Variants in GPHN observed in about 807,000 individuals in gnomAD.
GPHN encodes the protein gephyrin.
GPHN carries 17 observed loss-of-function variants against 95.5 expected under a neutral mutation model. That is an observed-to-expected ratio of 0.18 (90% confidence interval 0.12 to 0.27). GPHN has a LOEUF of 0.27. Ranked by LOEUF, GPHN falls within the 10% of genes least tolerant of loss-of-function variation. GPHN has a pLI of 1.00. For missense variants in GPHN, 660 were observed against 978.1 expected, an observed-to-expected ratio of 0.67 and a Z score of 4.34; for synonymous variants, 320 against 322.5, an observed-to-expected ratio of 0.99 and a Z score of 0.08.
the GPHN span, among the ~76,000 whole-genome samples, chr14:67,407,063 T>C: frequency 6.6e-6 from 1 of 152,148 alleles, no homozygotes; most frequent in African/African-American, 2.4e-5. Flanking sequence ...GATGGGCTTA[T>C]GAGACACAGA....
chr14:67,220,407 A>G, the GPHN span, among the ~76,000 whole-genome samples: 1 of 151,886 alleles, frequency 6.6e-6, no homozygotes, highest in African/African-American at 2.4e-5. Context: ...GAGCCACTGC[A>G]CTCTAGCCTG....
At chr14:67,672,034 T>G in the GPHN span, among the ~76,000 whole-genome samples, 1 of 152,224 alleles carries the variant, frequency 6.6e-6, no homozygotes, top group Non-Finnish European at 1.5e-5. Context: ...TTTTCTATTT[T>G]TCAAAGCAAT....
the GPHN span, among the ~76,000 whole-genome samples, chr14:67,351,018 T>G: frequency 6.6e-6 from 1 of 152,226 alleles, no homozygotes; most frequent in African/African-American, 2.4e-5. Context: ...GCAGTTGCAG[T>G]CAAAACCCTA....
chr14:66,781,909 T>A (rs72728643), intron 3 of GPHN, among the ~76,000 whole-genome samples: 3,666 of 152,280 alleles, frequency 0.024, 67 homozygotes, highest in Non-Finnish European at 0.035. Flanking sequence ...TCCTGGGTAT[T>A]AAGAAACATG....
the GPHN span, chr14:67,619,979 T>A: frequency 2.5e-6 from 4 of 1,592,042 alleles, no homozygotes; most frequent in Non-Finnish European, 3.4e-6. Context: ...CTGCGGATCA[T>A]GTCCCTAAGG....
At chr14:66,603,084 T>A (rs1264135273) in intron 1 of GPHN, among the ~76,000 whole-genome samples, 3 of 151,822 alleles carry the variant, frequency 2.0e-5, no homozygotes, top group Non-Finnish European at 3.0e-5. Context: ...ATTGAAAAAA[T>A]TGTATTCTTA....
At chr14:67,333,142 TTATTCTC>T in the GPHN span, 2 of 515,946 alleles carry the variant, frequency 3.9e-6, no homozygotes, top group South Asian at 6.1e-5. Flanking sequence ...ATGGCATCCT[TTATTCTC>T]TATACATGGC....
chr14:67,475,777 A>G, the GPHN span, among the ~76,000 whole-genome samples: 13 of 152,052 alleles, frequency 8.5e-5, no homozygotes, highest in Admixed American at 3.3e-4. Context: ...CCCGGCTCCC[A>G]TGCTGCTTCT....
chr14:67,646,097 A>G, the GPHN span, among the ~76,000 whole-genome samples: 1 of 152,352 alleles, frequency 6.6e-6, no homozygotes. Context: ...AGACACACTG[A>G]TCTAGAAGAC....
At chr14:67,317,492 C>G in the GPHN span, 10 of 1,569,196 alleles carry the variant, frequency 6.4e-6, no homozygotes, top group Non-Finnish European at 8.7e-6. Flanking sequence ...AAGTTCTACT[C>G]TCAGGGATAG....
At chr14:67,199,230 G>C in the GPHN span, 1 of 1,605,478 alleles carries the variant, frequency 6.2e-7, no homozygotes, top group Non-Finnish European at 8.5e-7. Flanking sequence ...CCAAGGCTAT[G>C]ACTTTGTGAA....
chr14:66,915,884 C>T, intron 5 of GPHN, 119 bp from the exon 6 acceptor site: 1 of 733,292 alleles, frequency 1.4e-6, no homozygotes, highest in Non-Finnish European at 2.5e-6. Context: ...TAAGATAACA[C>T]TTTTATTCCT....
intron 3 of GPHN, among the ~76,000 whole-genome samples, chr14:66,798,079 G>A (rs560292746): frequency 1.2e-3 from 184 of 151,990 alleles, no homozygotes; most frequent in South Asian, 2.1e-3. Flanking sequence ...CAATTGAAAT[G>A]ATCATATGGT....
chr14:66,922,773 C>A lies in GPHN; in HGVS notation c.564C>A (p.Ser188=). The A allele has an allele frequency of 1.2e-6, 2 of 1,613,570 alleles. No homozygotes were observed. Among genetic ancestry groups the A allele is most frequent in the Non-Finnish European group, 8.5e-7 (1 of 1,179,606 alleles). The change falls in exon 7 of 23, where the codon TCC becomes TCA. Residue 188 remains serine (S), a synonymous_variant. Coordinates refer to ENST00000478722, the MANE Select transcript of GPHN (RefSeq NM_020806.5). ...ATGATGAACTTGAAGATTTGCCTTCCCCACCTCCCCCTCTTTCCCCTCCTC... is the reference window on the plus strand; with the variant it reads ...ATGATGAACTTGAAGATTTGCCTTCACCACCTCCCCCTCTTTCCCCTCCTC... ...EVHDELEDLP[S]PPPPLSPPPT...
intron 9 of GPHN, among the ~76,000 whole-genome samples, chr14:67,019,789 G>T (rs2073506440): frequency 6.6e-6 from 1 of 152,152 alleles, no homozygotes; most frequent in Non-Finnish European, 1.5e-5. Flanking sequence ...CTAGCTTCAA[G>T]CTGGGGGCTC....
At chr14:66,619,788 C>T (rs1209870919) in intron 1 of GPHN, among the ~76,000 whole-genome samples, 3 of 151,934 alleles carry the variant, frequency 2.0e-5, no homozygotes, top group South Asian at 4.2e-4. Context: ...TCCATTTGTT[C>T]ATTGGTAGTA....
At chr14:67,292,483 T>A in the GPHN span, 1 of 1,470,796 alleles carries the variant, frequency 6.8e-7, no homozygotes, top group South Asian at 1.2e-5. Context: ...AACAGTTAAT[T>A]TTTGGATACC....
At chr14:66,535,512 T>C (rs2059112404) in intron 1 of GPHN, among the ~76,000 whole-genome samples, 1 of 152,152 alleles carries the variant, frequency 6.6e-6, no homozygotes, top group Non-Finnish European at 1.5e-5. Context: ...ACTGTTAATA[T>C]TATGATTGGG....
chr14:67,552,136 A>G, the GPHN span, among the ~76,000 whole-genome samples: 3 of 152,164 alleles, frequency 2.0e-5, no homozygotes, highest in Non-Finnish European at 4.4e-5. Flanking sequence ...AGGGCAGCTT[A>G]TGTGTCTTAT....
Sources: gnomAD v4.1 joint callset for allele counts (sites outside exome capture counted in the v4.1 genomes callset) on GRCh38, gnomAD v4.1.1 for gene constraint, MANE v1.5 for transcripts, NCBI Gene and HGNC (gene_info 2026-07-23, HGNC 2026-07-21) for gene names.